Variants in CDH4 observed in about 807,000 individuals in gnomAD.
CDH4 encodes the protein cadherin-4.
A neutral mutation model predicts 86.0 loss-of-function variants in CDH4; 33 were observed. The observed-to-expected ratio is 0.38, with a 90% confidence interval of 0.29 to 0.51. CDH4 has a LOEUF of 0.51. CDH4 is among the 20% of genes least tolerant of loss of function. CDH4 has a pLI of 0.86. For missense variants in CDH4, 1,114 were observed against 1,307.4 expected (o/e 0.85, Z 2.28); for synonymous variants, 555 against 549.4 (o/e 1.01, Z -0.14).
intron 2 of CDH4, among the ~76,000 whole-genome samples, chr20:61,702,670 C>CA (rs2087789427): frequency 6.6e-6 from 1 of 152,182 alleles, no homozygotes; most frequent in African/African-American, 2.4e-5. Context: ...CTTAAAATCA[C>CA]AAAAACTTTG....
chr20:61,315,924 C>G (rs1214834227), intron 2 of CDH4, among the ~76,000 whole-genome samples: 1 of 152,114 alleles, frequency 6.6e-6, no homozygotes, highest in African/African-American at 2.4e-5. Flanking sequence ...GTTGCCCAGG[C>G]TACTTTCAAA....
At chr20:61,559,402 C>T in intron 2 of CDH4, among the ~76,000 whole-genome samples, 1 of 152,086 alleles carries the variant, frequency 6.6e-6, no homozygotes, top group African/African-American at 2.4e-5. Flanking sequence ...AAGGGGAGGA[C>T]CTCCGGGAGC....
intron 6 of CDH4, among the ~76,000 whole-genome samples, chr20:61,859,231 G>A (rs370083416): frequency 4.6e-5 from 7 of 152,228 alleles, no homozygotes; most frequent in East Asian, 3.9e-4. Flanking sequence ...CATGGCTTTC[G>A]TCCATTTCCT....
intron 3 of CDH4, among the ~76,000 whole-genome samples, chr20:61,758,463 G>A (rs17810651): frequency 0.054 from 8,245 of 152,206 alleles, 293 homozygotes; most frequent in Non-Finnish European, 0.077. Flanking sequence ...TGACGCAATC[G>A]GAGGCTCAAG....
At chr20:61,817,020 G>A (rs141130851) in intron 4 of CDH4, among the ~76,000 whole-genome samples, 12 of 152,340 alleles carry the variant, frequency 7.9e-5, no homozygotes, top group East Asian at 7.7e-4. Flanking sequence ...CTTGGCCGCC[G>A]CATGGAAGAG....
intron 2 of CDH4, among the ~76,000 whole-genome samples, chr20:61,695,970 T>C (rs2087711157): frequency 3.3e-5 from 5 of 152,134 alleles, no homozygotes; most frequent in Admixed American, 3.3e-4. Context: ...GCCCCCTCCA[T>C]GAGGCTCCTC....
chr20:61,548,824 A>G (rs1158085917), intron 2 of CDH4, among the ~76,000 whole-genome samples: 1 of 152,222 alleles, frequency 6.6e-6, no homozygotes, highest in Non-Finnish European at 1.5e-5. Context: ...GGATAGGAAT[A>G]TTAGAAGAAT....
intron 2 of CDH4, among the ~76,000 whole-genome samples, chr20:61,391,868 G>A (rs1433381536): frequency 1.3e-5 from 2 of 152,158 alleles, no homozygotes; most frequent in African/African-American, 4.8e-5. Flanking sequence ...GAGACGCTAG[G>A]AGGGACAGCA....
intron 2 of CDH4, among the ~76,000 whole-genome samples, chr20:61,448,135 C>T (rs2085362164): frequency 6.6e-6 from 1 of 152,216 alleles, no homozygotes; most frequent in East Asian, 1.9e-4. Flanking sequence ...TGGTTTGTTT[C>T]AGCCCAGCAG....
intron 2 of CDH4, among the ~76,000 whole-genome samples, chr20:61,611,174 G>A (rs762424296): frequency 1.4e-4 from 21 of 151,948 alleles, no homozygotes; most frequent in Non-Finnish European, 5.9e-5. Flanking sequence ...GAGTGGGGCC[G>A]GAGCTTTCAG....
intron 2 of CDH4, among the ~76,000 whole-genome samples, chr20:61,737,283 A>G (rs1170906884): frequency 6.6e-6 from 1 of 152,166 alleles, no homozygotes; most frequent in African/African-American, 2.4e-5. Context: ...CATCTTGTCC[A>G]GAACAGGAGG....
chr20:61,252,505 G>T lies in CDH4; in HGVS notation c.-9G>T, dbSNP rs2084066878. ...CCCGGTGCCGGGCACCGGGCGGGCGGCGGGGAAGATGACCGCGGGCGCCGG... is the reference window on the plus strand; with the variant it reads ...CCCGGTGCCGGGCACCGGGCGGGCGTCGGGGAAGATGACCGCGGGCGCCGG... On this transcript the variant is annotated 5_prime_UTR_variant, in exon 1 of 16. Coordinates refer to ENST00000614565, the MANE Select transcript of CDH4 (RefSeq NM_001794.5). This position sits in a 1 kb window ranked among gnomAD's most constrained non-coding sequence, Gnocchi z 4.4. 8.5e-7 allele frequency: 1 copy of T among 1,178,110 alleles called. No homozygotes were observed. The highest frequency in any genetic ancestry group is 1.0e-6 in the Non-Finnish European group (1 of 954,596). The allele number at this position is 1,178,110 out of a possible 1,614,324, so 73.0% of individuals were successfully genotyped here.
intron 2 of CDH4, among the ~76,000 whole-genome samples, chr20:61,258,958 G>A (rs1402110208): frequency 1.3e-5 from 2 of 152,208 alleles, no homozygotes; most frequent in African/African-American, 4.8e-5. Flanking sequence ...TGGGGGTGGA[G>A]CACTGGGAAT....
chr20:61,713,760 C>T (rs1005364427), intron 2 of CDH4, among the ~76,000 whole-genome samples: 2 of 152,244 alleles, frequency 1.3e-5, no homozygotes, highest in Non-Finnish European at 2.9e-5. Context: ...AGCACCACAC[C>T]TGCCTTTCGT....
chr20:61,331,358 T>C (rs1314487618), intron 2 of CDH4, among the ~76,000 whole-genome samples: 1 of 152,022 alleles, frequency 6.6e-6, no homozygotes, highest in Non-Finnish European at 1.5e-5. Context: ...GTCACTGCCC[T>C]GTTCATGCTT....
At chr20:61,687,493 G>T (rs1182804846) in intron 2 of CDH4, among the ~76,000 whole-genome samples, 5 of 152,204 alleles carry the variant, frequency 3.3e-5, no homozygotes, top group Non-Finnish European at 5.9e-5. Context: ...GCTGACTCAG[G>T]CAGGAGTTTA....
intron 4 of CDH4, among the ~76,000 whole-genome samples, chr20:61,812,104 A>G (rs73307815): frequency 4.3e-4 from 65 of 151,190 alleles, no homozygotes; most frequent in African/African-American, 1.2e-3. Flanking sequence ...GCCTTAGTTC[A>G]TCTGCTTCCA....
At chr20:61,895,830 G>T (rs568100600) in intron 8 of CDH4, among the ~76,000 whole-genome samples, 55 of 152,336 alleles carry the variant, frequency 3.6e-4, no homozygotes, top group African/African-American at 1.1e-3. Flanking sequence ...GGTCCATGGG[G>T]TGTGACACGG....
rs1020205120 is a variant in CDH4, at chr20:61,807,352, G to A, written c.576+34170G>A. On this transcript the variant is annotated intron_variant, in intron 4 of 15. Transcript: ENST00000614565. This position sits in a 1 kb window ranked among gnomAD's most constrained non-coding sequence, Gnocchi z 4.5. ...GGGGTCTTTGGATCTCAGGAGAGTG[G>A]GCGGTGGGAGAGGATTCCCTGAGCT... is the stretch of plus-strand genomic sequence containing the variant. Among the ~76,000 whole-genome samples, 6 of 152,262 alleles carry A rather than the reference G, an allele frequency of 3.9e-5. No homozygotes were observed. The highest frequency in any genetic ancestry group is 5.9e-5 in the Non-Finnish European group (4 of 68,050).
Sources: gnomAD v4.1 joint callset for allele counts (sites outside exome capture counted in the v4.1 genomes callset) on GRCh38, gnomAD v4.1.1 for gene constraint, Gnocchi (gnomAD v3.1) non-coding constraint, MANE v1.5 for transcripts, NCBI Gene and HGNC (gene_info 2026-07-23, HGNC 2026-07-21) for gene names.